PTBP2: variants seen among roughly 807,000 people sequenced by gnomAD.
PTBP2 encodes polypyrimidine tract binding protein 2.
In PTBP2, 13 loss-of-function variants were observed where a neutral mutation model predicts 61.4. The ratio of observed to expected loss-of-function variants is 0.21; its 90% CI spans 0.14 to 0.34. PTBP2 has a LOEUF of 0.34. Ranked by LOEUF, PTBP2 falls within the 10% of genes least tolerant of loss-of-function variation. The pLI, the probability that PTBP2 is intolerant of heterozygous loss-of-function variation, is 1.00. For missense variants in PTBP2, 405 were observed against 642.6 expected, an observed-to-expected ratio of 0.63 and a Z score of 4.00; for synonymous variants, 215 against 218.5, an observed-to-expected ratio of 0.98 and a Z score of 0.14.
At chr1:96,740,913 A>G (rs559292254) in intron 2 of PTBP2, among the ~76,000 whole-genome samples, 3 of 152,134 alleles carry the variant, frequency 2.0e-5, no homozygotes, top group Admixed American at 1.3e-4. Flanking sequence ...ACAAACTGCT[A>G]CTGTAAGCAT....
At chr1:96,774,910 G>A (rs1657852417) in intron 5 of PTBP2, among the ~76,000 whole-genome samples, 1 of 152,114 alleles carries the variant, frequency 6.6e-6, no homozygotes, top group African/African-American at 2.4e-5. Context: ...GGTGCATCCT[G>A]TAACCTGGCA....
At chr1:96,787,296 A>G (rs989406975) in intron 8 of PTBP2, among the ~76,000 whole-genome samples, 5 of 152,186 alleles carry the variant, frequency 3.3e-5, no homozygotes, top group Non-Finnish European at 5.9e-5. Context: ...TGCTGAGATT[A>G]CAGGTGTGAG....
At chr1:96,745,116 A>C (rs541409592) in intron 2 of PTBP2, among the ~76,000 whole-genome samples, 90 of 152,254 alleles carry the variant, frequency 5.9e-4, no homozygotes, top group African/African-American at 2.1e-3. Flanking sequence ...CTGTCACTCA[A>C]ATAAAAAAAC....
At chr1:96,741,568 G>T (rs1020521509) in intron 2 of PTBP2, among the ~76,000 whole-genome samples, 7 of 151,858 alleles carry the variant, frequency 4.6e-5, no homozygotes, top group Non-Finnish European at 8.8e-5. Flanking sequence ...GGCCTGTTTT[G>T]TTAGTTACAT....
At chr1:96,810,097 G>A (rs1407753625) in intron 11 of PTBP2, among the ~76,000 whole-genome samples, 1 of 152,086 alleles carries the variant, frequency 6.6e-6, no homozygotes, top group African/African-American at 2.4e-5. Flanking sequence ...CACTATGTCT[G>A]TAAATTTCTT....
intron 3 of PTBP2, among the ~76,000 whole-genome samples, chr1:96,756,497 T>G (rs982336251): frequency 6.6e-6 from 1 of 152,216 alleles, no homozygotes; most frequent in Non-Finnish European, 1.5e-5. Flanking sequence ...CACATGGATG[T>G]TTATAGCACC....
In PTBP2 at chr1:96,808,216, G is replaced by C. The variant is rs555892339; in HGVS notation, c.1171+1258G>C. Among the ~76,000 whole-genome samples, 128 of 152,068 alleles carry C rather than the reference G, an allele frequency of 8.4e-4. 1 individual carries two copies. Among genetic ancestry groups the C allele is most frequent in the African/African-American group, 3.0e-3 (124 of 41,482 alleles). On this transcript the variant is annotated intron_variant, in intron 11 of 13. Transcript: ENST00000674951. ...ATTTTAATTTTTTGCCATGCTCGTA[G>C]TCTGCTTGGGCTGCTGTAACCAAAA...
chr1:96,752,842 G>T (rs141054280), intron 3 of PTBP2, among the ~76,000 whole-genome samples: 1 of 152,162 alleles, frequency 6.6e-6, no homozygotes, highest in African/African-American at 2.4e-5. Flanking sequence ...TTGTTTGGAA[G>T]TGATGAGCAG....
chr1:96,820,454 C>T (rs1662648678), exon 14 of PTBP2: 1 of 152,044 alleles, frequency 6.6e-6, no homozygotes, highest in Non-Finnish European at 1.5e-5. Flanking sequence ...AAGATTTCAT[C>T]CTGAGAAACA....
chr1:96,741,518 T>C (rs528261322), intron 2 of PTBP2, among the ~76,000 whole-genome samples: 1 of 152,248 alleles, frequency 6.6e-6, no homozygotes, highest in Admixed American at 6.5e-5. Context: ...CGCATTGGCC[T>C]CCTAAAGTGC....
chr1:96,791,837 T>TTTTTTG (rs1659860056), intron 8 of PTBP2, among the ~76,000 whole-genome samples: 3 of 136,860 alleles, frequency 2.2e-5, no homozygotes, highest in Non-Finnish European at 4.7e-5. Context: ...TTTTTTTTTT[T>TTTTTTG]TTTTTTTTTT....
chr1:96,774,090 G>C (rs892282190), intron 5 of PTBP2, among the ~76,000 whole-genome samples: 3 of 150,782 alleles, frequency 2.0e-5, no homozygotes, highest in South Asian at 2.1e-4. Flanking sequence ...CTGCACTCCA[G>C]CCTCAGCAAC....
chr1:96,738,520 G>T (rs1366319365), intron 2 of PTBP2, among the ~76,000 whole-genome samples: 1 of 152,100 alleles, frequency 6.6e-6, no homozygotes, highest in Non-Finnish European at 1.5e-5. Flanking sequence ...TGATCCGCCC[G>T]CCTCGGAAAT....
At chr1:96,808,378 A>C (rs572844688) in intron 11 of PTBP2, among the ~76,000 whole-genome samples, 1 of 152,236 alleles carries the variant, frequency 6.6e-6, no homozygotes, top group South Asian at 2.1e-4. Flanking sequence ...CTTGCAGCCA[A>C]CCATCTTCCC....
At chr1:96,781,794 G>C (rs936800099) in intron 7 of PTBP2, among the ~76,000 whole-genome samples, 1 of 151,946 alleles carries the variant, frequency 6.6e-6, no homozygotes, top group Non-Finnish European at 1.5e-5. Flanking sequence ...CATTCAGGGT[G>C]AAAATCAGAA....
chr1:96,737,804 A>G (rs1043510674), intron 2 of PTBP2, among the ~76,000 whole-genome samples: 2 of 152,220 alleles, frequency 1.3e-5, no homozygotes, highest in African/African-American at 4.8e-5. Flanking sequence ...GCTTTCTCCT[A>G]TCAGTATTTA....
At chr1:96,723,497 T>G (rs767094564) in intron 1 of PTBP2, 67 bp from the exon 2 acceptor site, 19 of 1,406,280 alleles carry the variant, frequency 1.4e-5, no homozygotes, top group Non-Finnish European at 1.8e-5. Context: ...CTAAAAAGTT[T>G]TAGAGCCAAA....
chr1:96,813,148 A>T (rs375216525), intron 13 of PTBP2, 42 bp downstream of exon 13: 150 of 1,559,992 alleles, frequency 9.6e-5, no homozygotes, highest in Admixed American at 9.4e-4. Context: ...ACCTGATAAA[A>T]TTTTTAAGTA....
intron 8 of PTBP2, among the ~76,000 whole-genome samples, chr1:96,799,527 A>T (rs796372832): frequency 4.3e-4 from 65 of 152,068 alleles, no homozygotes; most frequent in African/African-American, 1.5e-3. Flanking sequence ...CGATCTCCTG[A>T]CCTTGTGATA....
Sources: gnomAD v4.1 joint callset for allele counts (sites outside exome capture counted in the v4.1 genomes callset) on GRCh38, gnomAD v4.1.1 for gene constraint, MANE v1.5 for transcripts, NCBI Gene and HGNC (gene_info 2026-07-23, HGNC 2026-07-21) for gene names.